Variants in GSN observed in about 807,000 individuals in gnomAD.
GSN encodes actin-depolymerizing factor.
Under a neutral mutation model 85.7 loss-of-function variants are expected in GSN, and 56 were observed. The ratio of observed to expected loss-of-function variants is 0.65; its 90% CI spans 0.53 to 0.82. GSN has a LOEUF of 0.82. GSN is among the 40% of genes least tolerant of loss of function. The pLI is 0.00. For synonymous variants in GSN, 373 were observed against 399.1 expected, an observed-to-expected ratio of 0.93 and a Z score of 0.78; for missense variants, 857 against 979.8, an observed-to-expected ratio of 0.87 and a Z score of 1.67.
intron 1 of GSN, chr9:121,207,921 A>ATGTGTGTGTGTGTGTG (rs1491462318): frequency 1.7e-5 from 1 of 59,266 alleles, no homozygotes; most frequent in East Asian, 1.1e-3. Context: ...CATCTGGCTA[A>ATGTGTGTGTGTGTGTG]TATGTGTGTG....
At chr9:121,204,323 A>G (rs942951821), upstream of GSN, among the ~76,000 whole-genome samples, 1 of 152,224 alleles carries the variant, frequency 6.6e-6, no homozygotes, top group Non-Finnish European at 1.5e-5. Flanking sequence ...GGCTGTACTA[A>G]GCCCTATTCC....
At chr9:121,288,867 A>G (rs2058403845) in intron 2 of GSN, among the ~76,000 whole-genome samples, 1 of 152,238 alleles carries the variant, frequency 6.6e-6, no homozygotes, top group African/African-American at 2.4e-5. Context: ...TGCATGAAGC[A>G]TGACCCAGGG....
chr9:121,282,705 G>A, intron 2 of GSN: 1 of 416,736 alleles, frequency 2.4e-6, no homozygotes, highest in Non-Finnish European at 4.3e-6. Flanking sequence ...CCTAATAGGA[G>A]GACTTGAGGG....
chr9:121,268,570 G>A (rs1303112086), intron 1 of GSN, among the ~76,000 whole-genome samples: 1 of 152,210 alleles, frequency 6.6e-6, no homozygotes, highest in Non-Finnish European at 1.5e-5. Flanking sequence ...TGTCTGACCC[G>A]GGCATGCAGG....
At chr9:121,324,765 C>T in intron 12 of GSN, 121 bp downstream of exon 12, 1 of 672,484 alleles carries the variant, frequency 1.5e-6, no homozygotes, top group Non-Finnish European at 2.7e-6. Flanking sequence ...ATCCATCCAT[C>T]CATCCATCCA....
At position 121,332,663 on chromosome 9, in the gene GSN, AAGAGGCCTTAGAGCGAGC is replaced by A. The variant is rs1300920522; in HGVS notation, c.*65_*82del. On this transcript the variant is annotated 3_prime_UTR_variant, in exon 18 of 18. Transcript: ENST00000432226. The surrounding 1 kb of genome is among the most constrained non-coding windows in gnomAD (Gnocchi z 4.8). ...GCCTTTTGGAACTGTCCTTCCCTCA[AAGAGGCCTTAGAGCGAGC>A]AGAGCAGCTCTGCTATGAGTGTGTG... 1.7e-5 allele frequency: 23 copies of A among 1,340,114 alleles called. No individual in the cohort carries two copies. Among genetic ancestry groups the A allele is most frequent in the Non-Finnish European group, 2.2e-5 (21 of 944,608 alleles). The allele number at this position is 1,340,114 out of a possible 1,614,324, so 83.0% of individuals were successfully genotyped here.
At chr9:121,257,824 T>C (rs1229763603) in intron 6 of GSN, among the ~76,000 whole-genome samples, 2 of 152,024 alleles carry the variant, frequency 1.3e-5, no homozygotes, top group African/African-American at 4.8e-5. Context: ...TGAGCCAAGA[T>C]TGCGTCACTG....
chr9:121,250,827 A>G (rs2054810061), intron 6 of GSN, among the ~76,000 whole-genome samples: 1 of 146,790 alleles, frequency 6.8e-6, no homozygotes, highest in South Asian at 2.2e-4. Context: ...GTGAGCCACC[A>G]TGCCCCTCCA....
chr9:121,324,710 C>G, intron 12 of GSN, 66 bp downstream of exon 12: 1 of 783,428 alleles, frequency 1.3e-6, no homozygotes, highest in Non-Finnish European at 2.2e-6. Context: ...ACTCATCTGT[C>G]TGACTCTCAT....
rs568885924 is a variant in GSN, at chr9:121,300,020, G to A, written c.-9-1943G>A. The A allele has an allele frequency of 3.3e-5, 50 of 1,507,438 alleles. No homozygotes were observed. In the African/African-American group the frequency reaches 6.7e-4, roughly 20 times the overall value. The allele number at this position is 1,507,438 out of a possible 1,614,324, so 93.4% of individuals were successfully genotyped here. ...CCGAGGCGCGGGTGAGTGCCCGGGG[G>A]GCCCCGGGGCTCCCGGAGTAACTCT... is the stretch of plus-strand genomic sequence containing the variant. On this transcript the variant is annotated intron_variant, in intron 2 of 17. Coordinates refer to ENST00000432226, the MANE Select transcript of GSN (RefSeq NM_198252.3).
At chr9:121,273,354 T>C (rs978004256) in intron 1 of GSN, among the ~76,000 whole-genome samples, 7 of 152,188 alleles carry the variant, frequency 4.6e-5, no homozygotes, top group Non-Finnish European at 8.8e-5. Flanking sequence ...CTACAGAGAC[T>C]GTGGCTGAGC....
At chr9:121,300,246 C>G in intron 2 of GSN, 2 of 724,734 alleles carry the variant, frequency 2.8e-6, no homozygotes, top group Non-Finnish European at 5.1e-6. Flanking sequence ...TTTCCCCTGT[C>G]CTCCTCTAAC....
chr9:121,262,397 G>A (rs1188965603), intron 6 of GSN, among the ~76,000 whole-genome samples: 1 of 152,162 alleles, frequency 6.6e-6, no homozygotes, highest in African/African-American at 2.4e-5. Flanking sequence ...CTAACTTAGA[G>A]GGCAATTGTC....
chr9:121,326,934 A>G (rs1361847705), intron 13 of GSN: 1 of 686,312 alleles, frequency 1.5e-6, no homozygotes, highest in Non-Finnish European at 2.7e-6. Flanking sequence ...TACAATCAGC[A>G]TGCCATTCCT....
intron 5 of GSN, among the ~76,000 whole-genome samples, chr9:121,242,992 A>G (rs139745482): frequency 4.1e-4 from 62 of 152,318 alleles, no homozygotes; most frequent in African/African-American, 1.4e-3. Flanking sequence ...TGGAGGGTAC[A>G]TTAGTTTCCT....
chr9:121,318,969 CTG>C lies in GSN; in HGVS notation c.1191+90_1191+91del. On this transcript the variant is annotated intron_variant, in intron 10 of 17. Coordinates refer to ENST00000432226, the MANE Select transcript of GSN (RefSeq NM_198252.3). This position sits in a 1 kb window ranked among gnomAD's most constrained non-coding sequence, Gnocchi z 4.3. ...CTTGCTTCCCCAAGGAGGTTTCTCT[CTG>C]AGGTTTGCACAACTTTGGTAGCTGA... The C allele has an allele frequency of 9.3e-7, 1 of 1,075,554 alleles. No homozygotes were observed. 66.6% of individuals were successfully genotyped at this position (1,075,554 alleles called of 1,614,324 possible).
intron 2 of GSN, among the ~76,000 whole-genome samples, chr9:121,293,044 T>C (rs575660656): frequency 2.6e-5 from 4 of 152,252 alleles, no homozygotes; most frequent in Non-Finnish European, 5.9e-5. Context: ...TATGGGAGGC[T>C]TGGGGACACA....
At chr9:121,270,591 T>G (rs1372125426) in intron 1 of GSN, among the ~76,000 whole-genome samples, 1 of 152,182 alleles carries the variant, frequency 6.6e-6, no homozygotes, top group Non-Finnish European at 1.5e-5. Flanking sequence ...CATTGTAACT[T>G]TTTTTTCTTT....
At chr9:121,227,022 A>C (rs1193911450) in intron 4 of GSN, among the ~76,000 whole-genome samples, 1 of 152,166 alleles carries the variant, frequency 6.6e-6, no homozygotes, top group African/African-American at 2.4e-5. Flanking sequence ...AAGCTCCTGC[A>C]ATCAGCACCT....
Sources: gnomAD v4.1 joint callset for allele counts (sites outside exome capture counted in the v4.1 genomes callset) on GRCh38, gnomAD v4.1.1 for gene constraint, Gnocchi (gnomAD v3.1) non-coding constraint, MANE v1.5 for transcripts, NCBI Gene and HGNC (gene_info 2026-07-23, HGNC 2026-07-21) for gene names.